Variants in CNTN5 observed in about 807,000 individuals in gnomAD.
CNTN5 encodes the protein contactin-5.
CNTN5 carries 77 observed loss-of-function variants against 129.1 expected under a neutral mutation model. That is an observed-to-expected ratio of 0.60 (90% CI 0.50 to 0.72). The LOEUF is 0.72. CNTN5 is among the 30% of genes least tolerant of loss of function. CNTN5 has a pLI of 0.00. For missense variants in CNTN5, 1,478 were observed against 1,328.8 expected, an observed-to-expected ratio of 1.11 and a Z score of -1.75; for synonymous variants, 509 against 465.6, an observed-to-expected ratio of 1.09 and a Z score of -1.20.
intron 1 of CNTN5, among the ~76,000 whole-genome samples, chr11:99,232,580 G>A (rs1861058754): frequency 6.6e-6 from 1 of 152,072 alleles, no homozygotes; most frequent in Non-Finnish European, 1.5e-5. Context: ...TCTAGATATT[G>A]TATCATGTCT....
intron 22 of CNTN5, 94 bp from the exon 23 acceptor site, chr11:100,340,998 TA>T: frequency 1.1e-6 from 1 of 945,302 alleles, no homozygotes; most frequent in Non-Finnish European, 1.7e-6. Context: ...AGCCAACTAC[TA>T]AGCAGGAGAA....
chr11:99,753,642 ATTT>A lies in CNTN5; in HGVS notation c.56-65899_56-65897del, dbSNP rs1300758120. Among the ~76,000 whole-genome samples, 2 of 117,492 alleles carry A rather than the reference ATTT, an allele frequency of 1.7e-5. 1 individual carries two copies. The highest frequency in any genetic ancestry group is 3.4e-5 in the Non-Finnish European group (2 of 58,116). 77.1% of individuals were successfully genotyped at this position (117,492 alleles called of 152,430 possible). On this transcript the variant is annotated intron_variant, in intron 3 of 24. Transcript: ENST00000524871. Reference sequence around the variant, plus strand: ...TAAGCAGATGTGAGTCTCTGTCCAAATTTTTACTGAAAAAAAAAAAAAAAAAAC... The same window carrying A: ...TAAGCAGATGTGAGTCTCTGTCCAAATTACTGAAAAAAAAAAAAAAAAAAC...
chr11:99,113,686 C>T (rs1857905947), intron 1 of CNTN5, among the ~76,000 whole-genome samples: 1 of 152,016 alleles, frequency 6.6e-6, no homozygotes, highest in Non-Finnish European at 1.5e-5. Context: ...TGAAATTTTG[C>T]CAGTGAAGTT....
chr11:99,468,710 C>T (rs1945044181), intron 2 of CNTN5, among the ~76,000 whole-genome samples: 1 of 148,182 alleles, frequency 6.7e-6, no homozygotes, highest in Non-Finnish European at 1.5e-5. Flanking sequence ...AAAGAGGCTG[C>T]ATTGATGTTT....
chr11:99,218,825 T>C (rs1397867100), intron 1 of CNTN5, among the ~76,000 whole-genome samples: 2 of 152,102 alleles, frequency 1.3e-5, no homozygotes, highest in South Asian at 2.1e-4. Context: ...AGTTGGTGTA[T>C]GGAACTTCTA....
At chr11:99,663,965 T>C (rs1952692482) in intron 3 of CNTN5, among the ~76,000 whole-genome samples, 1 of 152,202 alleles carries the variant, frequency 6.6e-6, no homozygotes, top group Admixed American at 6.5e-5. Context: ...TTATTGTACT[T>C]ATTGTTCAAA....
rs531640887 is a variant in CNTN5, at chr11:99,346,783, G to A, written c.-71+21299G>A. The stretch of plus-strand genomic sequence containing the variant: ...GATGAGATTAATGCCCTTATGAAAA[G>A]AGGAAGAGACACAAGCTCGCTCTCT... On this transcript the variant is annotated intron_variant, in intron 2 of 24. Coordinates refer to ENST00000524871, the MANE Select transcript of CNTN5 (RefSeq NM_014361.4). Among the ~76,000 whole-genome samples, 22 of 152,300 alleles carry A rather than the reference G, an allele frequency of 1.4e-4. 1 individual carries two copies. In the South Asian group the frequency reaches 4.6e-3, roughly 32 times the overall value.
intron 2 of CNTN5, among the ~76,000 whole-genome samples, chr11:99,511,946 AG>A (rs1208759449): frequency 1.3e-5 from 2 of 152,146 alleles, no homozygotes; most frequent in African/African-American, 4.8e-5. Flanking sequence ...GAGTCAAAAA[AG>A]TTTACAAAAT....
chr11:99,989,096 C>A lies in CNTN5; in HGVS notation c.878-12938C>A, dbSNP rs1186608407. Among the ~76,000 whole-genome samples, 5 of 152,234 alleles carry A rather than the reference C, an allele frequency of 3.3e-5. No homozygotes were observed. In the East Asian group the frequency reaches 7.7e-4, roughly 24 times the overall value. On this transcript the variant is annotated intron_variant, in intron 8 of 24. Transcript: ENST00000524871. ...ATCATGGAAAACTTAATCTGCTAGA[C>A]TTAAATGTTAGAGTGAACTGTATAG...
At chr11:100,242,217 C>T (rs555285799) in intron 16 of CNTN5, among the ~76,000 whole-genome samples, 5 of 152,264 alleles carry the variant, frequency 3.3e-5, no homozygotes, top group African/African-American at 1.2e-4. Flanking sequence ...CTGTTCTCTG[C>T]CTGGAAAACT....
At chr11:100,040,440 T>C (rs910298340) in intron 9 of CNTN5, among the ~76,000 whole-genome samples, 1 of 152,224 alleles carries the variant, frequency 6.6e-6, no homozygotes, top group African/African-American at 2.4e-5. Context: ...GGAGGCATTC[T>C]TCCCATTCTC....
At chr11:100,020,011 G>C (rs1181587827) in intron 9 of CNTN5, among the ~76,000 whole-genome samples, 1 of 151,792 alleles carries the variant, frequency 6.6e-6, no homozygotes, top group African/African-American at 2.4e-5. Context: ...TTGCTACTAA[G>C]TTTCTTATAT....
chr11:99,888,737 C>T (rs773663839), intron 6 of CNTN5, among the ~76,000 whole-genome samples: 65 of 152,162 alleles, frequency 4.3e-4, no homozygotes, highest in Non-Finnish European at 7.8e-4. Context: ...GAAATATTAA[C>T]AGGACATTAT....
intron 1 of CNTN5, among the ~76,000 whole-genome samples, chr11:99,104,984 C>T (rs1362663224): frequency 6.6e-6 from 1 of 152,094 alleles, no homozygotes; most frequent in East Asian, 1.9e-4. Context: ...CTCTGTTAAT[C>T]AATGCACCGA....
chr11:99,943,188 T>C (rs1487027907), intron 7 of CNTN5, among the ~76,000 whole-genome samples: 4 of 152,032 alleles, frequency 2.6e-5, no homozygotes, highest in Admixed American at 6.6e-5. Flanking sequence ...CACATCTTTG[T>C]CAGCATCTGT....
At chr11:100,302,894 A>G (rs964992828) in intron 20 of CNTN5, among the ~76,000 whole-genome samples, 1 of 151,658 alleles carries the variant, frequency 6.6e-6, no homozygotes, top group Admixed American at 6.6e-5. Context: ...TGTTTTTCAA[A>G]GAAAAAATCA....
chr11:100,289,973 G>C (rs1404445886), intron 18 of CNTN5, among the ~76,000 whole-genome samples: 5 of 150,718 alleles, frequency 3.3e-5, no homozygotes, highest in African/African-American at 4.9e-5. Context: ...ACAACAGACA[G>C]AGAGCCAAAT....
chr11:99,038,835 T>C (rs1863867999), intron 1 of CNTN5, among the ~76,000 whole-genome samples: 1 of 151,886 alleles, frequency 6.6e-6, no homozygotes, highest in Admixed American at 6.6e-5. Context: ...ATTATTCATT[T>C]TATAATGAAA....
intron 2 of CNTN5, among the ~76,000 whole-genome samples, chr11:99,485,166 G>A (rs1945760376): frequency 2.0e-5 from 3 of 151,734 alleles, no homozygotes. Flanking sequence ...CATCGCCATT[G>A]ACCCCATAAA....
Sources: allele counts gnomAD v4.1 joint callset (sites outside exome capture counted in the v4.1 genomes callset), GRCh38; gene constraint gnomAD v4.1.1; transcripts MANE v1.5; gene names NCBI Gene and HGNC (gene_info 2026-07-23, HGNC 2026-07-21).